Variants in SND1 observed in about 807,000 individuals in gnomAD.
SND1 encodes staphylococcal nuclease and tudor domain containing 1, also known as staphylococcal nuclease domain-containing protein 1.
Under a neutral mutation model 121.7 loss-of-function variants are expected in SND1, and 38 were observed. The ratio of observed to expected loss-of-function variants is 0.31; its 90% confidence interval spans 0.24 to 0.41. The LOEUF is 0.41. SND1 is among the 10% of genes least tolerant of loss of function. The probability of loss-of-function intolerance (pLI) is 1.00; values close to 1 mark genes in which losing one functional copy is unlikely to be tolerated. For missense variants in SND1, 868 were observed against 1,184.6 expected, an observed-to-expected ratio of 0.73 and a Z score of 3.92; for synonymous variants, 401 against 447.4, an observed-to-expected ratio of 0.90 and a Z score of 1.31.
At chr7:127,707,677 T>C in intron 9 of SND1, 30 bp downstream of exon 9, 1 of 1,546,546 alleles carries the variant, frequency 6.5e-7, no homozygotes, top group Non-Finnish European at 8.9e-7. Flanking sequence ...TTGATATGCA[T>C]AGTGGACATT....
At chr7:128,016,322 T>C (rs929356657) in intron 16 of SND1, among the ~76,000 whole-genome samples, 11 of 151,976 alleles carry the variant, frequency 7.2e-5, no homozygotes, top group African/African-American at 2.7e-4. Flanking sequence ...GATTGAGATA[T>C]ATTATGGACT....
chr7:127,704,960 A>G lies in SND1; in HGVS notation c.947+15A>G. On this transcript the variant is annotated intron_variant, in intron 8 of 23. Transcript: ENST00000354725. ...GCGGCAGAGAGGTAAGGTCTGTCCA[A>G]GAGGCCTTCCAGCTGTGGATCTTGT... 6.2e-7 allele frequency: 1 copy of G among 1,603,566 alleles called. No individual in the cohort carries two copies. The highest frequency in any genetic ancestry group is 8.5e-7 in the Non-Finnish European group (1 of 1,170,520).
intron 10 of SND1, among the ~76,000 whole-genome samples, chr7:127,777,769 G>C (rs1797647709): frequency 6.6e-6 from 1 of 152,066 alleles, no homozygotes. Flanking sequence ...TCCAACTCCT[G>C]GGTTCGAGCA....
intron 4 of SND1, among the ~76,000 whole-genome samples, chr7:127,700,246 C>T (rs1796077994): frequency 6.6e-6 from 1 of 152,138 alleles, no homozygotes; most frequent in Non-Finnish European, 1.5e-5. Flanking sequence ...CACTTTTTCC[C>T]AGTTTTGTGT....
intron 15 of SND1, among the ~76,000 whole-genome samples, chr7:127,972,256 G>A (rs1291306404): frequency 1.3e-5 from 2 of 151,994 alleles, no homozygotes; most frequent in Non-Finnish European, 2.9e-5. Flanking sequence ...GCAGGGGGCG[G>A]TGAGGGGGGT....
intron 1 of SND1, among the ~76,000 whole-genome samples, chr7:127,662,491 G>C (rs759790493): frequency 8.5e-5 from 13 of 152,102 alleles, no homozygotes; most frequent in Non-Finnish European, 1.5e-4. Flanking sequence ...TGATGCTAGC[G>C]TTTGTATAAG....
intron 2 of SND1, among the ~76,000 whole-genome samples, chr7:127,691,399 C>A (rs1795911595): frequency 6.6e-6 from 1 of 151,484 alleles, no homozygotes; most frequent in African/African-American, 2.4e-5. Context: ...AAAAAATTAA[C>A]CGGGCGTGGT....
rs117890648 is a variant in SND1, at chr7:128,045,570, G to C, written c.1780-28932G>C. Among the ~76,000 whole-genome samples the C allele has an allele frequency of 8.4e-3, 1,281 of 152,320 alleles. 11 individuals are homozygous for C. The highest frequency in any genetic ancestry group is 0.015 in the Non-Finnish European group (1,010 of 68,030). ...GAAGTGGAAAAAGACATATGTAACTGTGGTAAAGACTCATGGGTCACTTTA... is the reference window on the plus strand; with the variant it reads ...GAAGTGGAAAAAGACATATGTAACTCTGGTAAAGACTCATGGGTCACTTTA... On this transcript the variant is annotated intron_variant, in intron 16 of 23. Coordinates refer to ENST00000354725, the MANE Select transcript of SND1 (RefSeq NM_014390.4).
chr7:127,653,562 C>T (rs1436715577), intron 1 of SND1, among the ~76,000 whole-genome samples: 1 of 152,106 alleles, frequency 6.6e-6, no homozygotes, highest in African/African-American at 2.4e-5. Flanking sequence ...GTAATCCCAG[C>T]ACTTAGGAGG....
chr7:127,938,473 A>G (rs1271737731), intron 15 of SND1, among the ~76,000 whole-genome samples: 1 of 152,230 alleles, frequency 6.6e-6, no homozygotes, highest in African/African-American at 2.4e-5. Context: ...TAGTATGAGA[A>G]TACAGAGCAA....
chr7:127,758,626 A>G (rs1797241950), intron 10 of SND1, among the ~76,000 whole-genome samples: 1 of 152,174 alleles, frequency 6.6e-6, no homozygotes, highest in South Asian at 2.1e-4. Flanking sequence ...CTACTACCTG[A>G]TCATATGGTT....
intron 15 of SND1, among the ~76,000 whole-genome samples, chr7:127,941,896 T>C (rs895299180): frequency 2.1e-5 from 3 of 144,742 alleles, no homozygotes; most frequent in African/African-American, 7.9e-5. Context: ...GGAGTTTTTT[T>C]TTTTTTTTTT....
intron 11 of SND1, among the ~76,000 whole-genome samples, chr7:127,821,701 T>C (rs1308001107): frequency 8.4e-6 from 1 of 119,738 alleles, no homozygotes; most frequent in Non-Finnish European, 1.7e-5. Flanking sequence ...TAAAAATAGA[T>C]GTAGAAAGGA....
intron 12 of SND1, among the ~76,000 whole-genome samples, chr7:127,847,692 CT>C (rs1241071707): frequency 6.6e-6 from 1 of 152,178 alleles, no homozygotes; most frequent in Non-Finnish European, 1.5e-5. Flanking sequence ...AAAGCCTTTC[CT>C]CTTTATTAAA....
At chr7:127,653,877 C>T (rs1795166312) in intron 1 of SND1, among the ~76,000 whole-genome samples, 1 of 152,138 alleles carries the variant, frequency 6.6e-6, no homozygotes, top group African/African-American at 2.4e-5. Context: ...AGAGAATTTC[C>T]AAGATCCGCA....
chr7:127,943,537 A>G (rs575655736), intron 15 of SND1, among the ~76,000 whole-genome samples: 2 of 152,202 alleles, frequency 1.3e-5, no homozygotes, highest in South Asian at 2.1e-4. Context: ...TTGTGCTTCA[A>G]TCTTTAGCTT....
At chr7:127,682,883 C>A (rs1795750724) in intron 1 of SND1, among the ~76,000 whole-genome samples, 1 of 152,132 alleles carries the variant, frequency 6.6e-6, no homozygotes, top group African/African-American at 2.4e-5. Flanking sequence ...CTGAATAAAT[C>A]AAGGAATAAA....
chr7:127,977,203 A>G (rs1191129559), intron 15 of SND1, among the ~76,000 whole-genome samples: 1 of 152,222 alleles, frequency 6.6e-6, no homozygotes, highest in East Asian at 1.9e-4. Context: ...TAATTAAATC[A>G]ACTAGAAAGA....
intron 18 of SND1, 88 bp from the exon 19 acceptor site, chr7:128,084,636 C>G: frequency 7.1e-7 from 1 of 1,414,642 alleles, no homozygotes; most frequent in Non-Finnish European, 9.4e-7. Flanking sequence ...TTACATTGAG[C>G]TCCCTCCCCA....
Sources: gnomAD v4.1 joint callset for allele counts (sites outside exome capture counted in the v4.1 genomes callset) on GRCh38, gnomAD v4.1.1 for gene constraint, MANE v1.5 for transcripts, NCBI Gene and HGNC (gene_info 2026-07-23, HGNC 2026-07-21) for gene names.